Variants in MSRB3 observed in about 807,000 individuals in gnomAD.
The protein encoded by MSRB3 is methionine sulfoxide reductase B3.
In MSRB3, 13 loss-of-function variants were observed where a neutral mutation model predicts 21.0. The ratio of observed to expected loss-of-function variants is 0.62; its 90% CI spans 0.40 to 0.98. The LOEUF is 0.98. MSRB3 is among the 50% of genes least tolerant of loss of function. The probability of loss-of-function intolerance (pLI) is 0.00; values close to 1 mark genes in which losing one functional copy is unlikely to be tolerated. For synonymous variants in MSRB3, 87 were observed against 88.6 expected, an observed-to-expected ratio of 0.98 and a Z score of 0.10; for missense variants, 199 against 230.3, an observed-to-expected ratio of 0.86 and a Z score of 0.88.
At chr12:65,377,211 TTC>T (rs1357632857) in intron 5 of MSRB3, among the ~76,000 whole-genome samples, 8 of 152,050 alleles carry the variant, frequency 5.3e-5, no homozygotes, top group Non-Finnish European at 1.0e-4. Flanking sequence ...TGTGGATCTT[TTC>T]TCTCTCTCCA....
At chr12:65,325,592 GTCAGCGA>G (rs1268498063) in intron 2 of MSRB3, among the ~76,000 whole-genome samples, 1 of 152,002 alleles carries the variant, frequency 6.6e-6, no homozygotes, top group Non-Finnish European at 1.5e-5. Flanking sequence ...CTAGTTTAAG[GTCAGCGA>G]TCTCATACTA....
At chr12:65,319,888 G>A (rs760088461) in intron 2 of MSRB3, among the ~76,000 whole-genome samples, 7 of 152,174 alleles carry the variant, frequency 4.6e-5, no homozygotes, top group Non-Finnish European at 8.8e-5. Flanking sequence ...TTATCAGGAT[G>A]TGTAGCCTTG....
At chr12:65,290,692 T>C (rs906648354) in intron 1 of MSRB3, among the ~76,000 whole-genome samples, 3 of 152,250 alleles carry the variant, frequency 2.0e-5, no homozygotes, top group Non-Finnish European at 2.9e-5. Flanking sequence ...TTCCCTTGAT[T>C]TCCTTTGTGT....
intron 5 of MSRB3, among the ~76,000 whole-genome samples, chr12:65,402,078 G>A (rs544984532): frequency 3.5e-4 from 53 of 152,034 alleles, no homozygotes; most frequent in Middle Eastern, 3.2e-3. Flanking sequence ...TGAATCTGGC[G>A]ATTATGTGTC....
At chr12:65,434,138 A>G (rs1882011823) in intron 5 of MSRB3, among the ~76,000 whole-genome samples, 1 of 151,794 alleles carries the variant, frequency 6.6e-6, no homozygotes, top group South Asian at 2.1e-4. Flanking sequence ...AAAATTAGAC[A>G]AGTAGAATCT....
chr12:65,395,690 G>A (rs1214871899), intron 5 of MSRB3, among the ~76,000 whole-genome samples: 1 of 152,098 alleles, frequency 6.6e-6, no homozygotes, highest in Admixed American at 6.6e-5. Context: ...TTCTTTAATA[G>A]ATATAAACCT....
intron 5 of MSRB3, among the ~76,000 whole-genome samples, chr12:65,403,953 C>T (rs1446780899): frequency 6.6e-6 from 1 of 152,208 alleles, no homozygotes; most frequent in Non-Finnish European, 1.5e-5. Flanking sequence ...TAACCAGTCC[C>T]AGTGAGATGA....
chr12:65,280,814 A>G (rs1871970937), intron 1 of MSRB3, among the ~76,000 whole-genome samples: 1 of 152,214 alleles, frequency 6.6e-6, no homozygotes, highest in South Asian at 2.1e-4. Flanking sequence ...TTTAACTAAG[A>G]TGTTAATCCA....
At chr12:65,332,639 AAAAAG>A (rs1003922362) in intron 4 of MSRB3, among the ~76,000 whole-genome samples, 6 of 152,198 alleles carry the variant, frequency 3.9e-5, no homozygotes, top group East Asian at 1.9e-4. Flanking sequence ...GTATAATAAA[AAAAAG>A]AAAAGATCAT....
chr12:65,278,770 TG>T lies in MSRB3; in HGVS notation c.-146del, dbSNP rs1871808746. The T allele has an allele frequency of 6.3e-7, 1 of 1,578,012 alleles. No individual in the cohort carries two copies. Among genetic ancestry groups the T allele is most frequent in the Non-Finnish European group, 8.6e-7 (1 of 1,163,254 alleles). On this transcript the variant is annotated 5_prime_UTR_variant, in exon 1 of 7. An upstream start codon of the reference 5' UTR is lost. Coordinates refer to ENST00000308259, the MANE Select transcript of MSRB3 (RefSeq NM_001031679.3). ...CGGCGGCGGCTGCCTGGCCTTTCCA[TG>T]AGCCCGCGGCGGACCCTCCCGCGCC...
At chr12:65,435,144 A>G (rs1205826166) in intron 5 of MSRB3, among the ~76,000 whole-genome samples, 1 of 151,930 alleles carries the variant, frequency 6.6e-6, no homozygotes, top group African/African-American at 2.4e-5. Context: ...ATTAAGAGAC[A>G]GGAACATATA....
chr12:65,369,101 A>AAG, intron 5 of MSRB3, 75 bp downstream of exon 5: 1 of 1,126,852 alleles, frequency 8.9e-7, no homozygotes, highest in Admixed American at 1.8e-5. Flanking sequence ...TCATCAGATC[A>AAG]AGAACCATTT....
chr12:65,376,378 CA>C (rs1308565978), intron 5 of MSRB3, among the ~76,000 whole-genome samples: 3 of 152,172 alleles, frequency 2.0e-5, no homozygotes, highest in African/African-American at 7.2e-5. Context: ...CTCGGCCTCC[CA>C]AAGTGCTGGG....
intron 5 of MSRB3, among the ~76,000 whole-genome samples, chr12:65,427,452 G>T (rs1881657434): frequency 6.6e-6 from 1 of 152,152 alleles, no homozygotes; most frequent in African/African-American, 2.4e-5. Context: ...TATGATAATG[G>T]CAGCTAAGGG....
chr12:65,369,674 T>A (rs1000914103), intron 5 of MSRB3, among the ~76,000 whole-genome samples: 1 of 152,210 alleles, frequency 6.6e-6, no homozygotes, highest in Admixed American at 6.5e-5. Context: ...CTGAGATTTA[T>A]GTGCTTCAAA....
At chr12:65,291,945 A>AG (rs1872688554) in intron 1 of MSRB3, among the ~76,000 whole-genome samples, 2 of 152,222 alleles carry the variant, frequency 1.3e-5, no homozygotes, top group Admixed American at 6.5e-5. Context: ...AACGGATTGT[A>AG]GGGGCCAAGA....
intron 2 of MSRB3, among the ~76,000 whole-genome samples, chr12:65,326,251 A>G (rs947178635): frequency 6.6e-6 from 1 of 152,202 alleles, no homozygotes; most frequent in Non-Finnish European, 1.5e-5. Flanking sequence ...ACTTTGAAGG[A>G]GTATACAGAA....
intron 5 of MSRB3, among the ~76,000 whole-genome samples, chr12:65,411,782 A>G (rs1362342299): frequency 1.3e-5 from 2 of 149,018 alleles, no homozygotes; most frequent in Non-Finnish European, 3.0e-5. Context: ...TAATATGTGT[A>G]ATATGACTAT....
rs989612418 is a variant in MSRB3 at position 65,453,621 on chromosome 12, A to G, written c.293-107A>G. ...TTTTTCAGGTTGAAAAGTTAAACATACACTAAGGATTTTCATTATTTGCTT... is the reference window on the plus strand; with the variant it reads ...TTTTTCAGGTTGAAAAGTTAAACATGCACTAAGGATTTTCATTATTTGCTT... On this transcript the variant is annotated intron_variant, in intron 5 of 6. Transcript: ENST00000308259. The G allele has an allele frequency of 4.7e-6, 4 of 856,782 alleles. No individual in the cohort carries two copies. In the African/African-American group the frequency reaches 6.6e-5, roughly 14 times the overall value. The allele number at this position is 856,782 out of a possible 1,614,324, so 53.1% of individuals were successfully genotyped here.
Sources: allele counts gnomAD v4.1 joint callset (sites outside exome capture counted in the v4.1 genomes callset), GRCh38; gene constraint gnomAD v4.1.1; transcripts MANE v1.5; gene names NCBI Gene and HGNC (gene_info 2026-07-23, HGNC 2026-07-21).